The following SIMC1 variants were observed in gnomAD, a reference collection of about 807,000 sequenced individuals.
SIMC1 encodes SUMO-interacting motif-containing protein 1.
A neutral mutation model predicts 82.3 loss-of-function variants in SIMC1; 55 were observed. The ratio of observed to expected loss-of-function variants is 0.67; its 90% confidence interval spans 0.54 to 0.84. The LOEUF (loss-of-function observed/expected upper bound fraction) is 0.84. Ranked by LOEUF, SIMC1 falls within the 40% of genes least tolerant of loss-of-function variation. SIMC1 has a pLI of 0.00. For missense variants in SIMC1, 915 were observed against 1,107.2 expected (o/e 0.83, Z 2.46); for synonymous variants, 353 against 426.3 (o/e 0.83, Z 2.12).
intron 1 of SIMC1, chr5:176,270,469 A>G (rs1185890969): frequency 2.6e-5 from 4 of 152,254 alleles, no homozygotes; most frequent in Admixed American, 6.5e-5. Context: ...AAGAACACCA[A>G]CTTGAACAAC....
chr5:176,296,025 C>T (rs1007611375), intron 3 of SIMC1: 5 of 751,786 alleles, frequency 6.7e-6, no homozygotes, highest in Admixed American at 3.1e-5. Flanking sequence ...TTTCTTAAGA[C>T]AAAATTATAG....
chr5:176,262,552 C>A (rs1055191667), intron 1 of SIMC1, among the ~76,000 whole-genome samples: 2 of 152,222 alleles, frequency 1.3e-5, no homozygotes, highest in African/African-American at 4.8e-5. Context: ...CGCCTGTAAT[C>A]TGAGCACTTT....
chr5:176,284,281 C>T (rs1763160431), intron 1 of SIMC1, among the ~76,000 whole-genome samples: 1 of 152,204 alleles, frequency 6.6e-6, no homozygotes, highest in Admixed American at 6.5e-5. Context: ...GGAAGTAAAG[C>T]ACTCCTCAGC....
At chr5:176,267,733 GTTTTTTTT>G (rs1159766316) in intron 1 of SIMC1, among the ~76,000 whole-genome samples, 39 of 27,200 alleles carry the variant, frequency 1.4e-3, no homozygotes, top group Middle Eastern at 0.038. Context: ...TTTTCTTTCT[GTTTTTTTT>G]TTTTTTTTTT....
rs1381357471 is a variant in SIMC1 at position 176,277,699 on chromosome 5, C to A, written c.130-11955C>A. On this transcript the variant is annotated intron_variant, in intron 1 of 9. Transcript: ENST00000429602. ...CGGTTTTCCCAGCACCATTTATTAA[C>A]TAGGGAATCCTTTCCCCATTGCTTG... Among the ~76,000 whole-genome samples, 15 of 152,062 alleles carry A rather than the reference C, an allele frequency of 9.9e-5. 2 individuals carry two copies. The highest frequency in any genetic ancestry group is 9.7e-4 in the East Asian group (5 of 5,172).
At chr5:176,302,001 A>G (rs1273369344) in intron 4 of SIMC1, among the ~76,000 whole-genome samples, 2 of 152,196 alleles carry the variant, frequency 1.3e-5, no homozygotes, top group East Asian at 3.8e-4. Context: ...CATATAACCT[A>G]TGCACATCCT....
At chr5:176,303,608 C>A (rs528302137) in intron 4 of SIMC1, among the ~76,000 whole-genome samples, 1 of 152,326 alleles carries the variant, frequency 6.6e-6, no homozygotes, top group African/African-American at 2.4e-5. Context: ...GCGTGAGCCA[C>A]CATGCCCGGC....
intron 7 of SIMC1, among the ~76,000 whole-genome samples, chr5:176,334,402 G>C (rs1765796707): frequency 1.3e-5 from 2 of 152,268 alleles, no homozygotes; most frequent in South Asian, 4.1e-4. Context: ...ACATTCTTGA[G>C]GCTTAATCTT....
Position 176,301,339 on chromosome 5 carries a change from T to A in SIMC1, c.1734+5019T>A, listed in dbSNP as rs186104361. On this transcript the variant is annotated intron_variant, in intron 4 of 9. Transcript: ENST00000429602. ...GACATGTAAGATGTGACTTTGCTCC[T>A]CATTCGCCTTTTGCCATGATTGTGA... Among the ~76,000 whole-genome samples the A allele has an allele frequency of 3.7e-3, 563 of 152,340 alleles. 3 individuals are homozygous for A. The highest frequency in any genetic ancestry group is 0.013 in the African/African-American group (535 of 41,580).
intron 1 of SIMC1, among the ~76,000 whole-genome samples, chr5:176,289,450 C>T (rs766389382): frequency 5.5e-4 from 84 of 151,714 alleles, no homozygotes; most frequent in Non-Finnish European, 1.0e-3. Flanking sequence ...CCTAGTCATG[C>T]GTATGTGGCA....
chr5:176,337,066 A>G lies in SIMC1; in HGVS notation c.2333A>G (p.Asp778Gly). ...TCCATTTTACTATCTCTGCAGTCAG[A>G]TAAAAGCCAGTGGCAGACTTGGGAC... ...NSTSLLKCQSDKSQWQTWDEL... is the reference protein window; with the variant it reads ...NSTSLLKCQSGKSQWQTWDEL... Residue 778 changes from aspartate (D) to glycine (G), a missense_variant, in exon 9 of 10, where the codon GAT (aspartate) becomes GGT (glycine). Physicochemically the swap from Asp to Gly is moderately conservative, Grantham distance 94 (BLOSUM62 -1). Around this residue, in one of 2 missense-constraint regions of SIMC1, gnomAD observed 902 missense variants for 1,040.3 expected, o/e 0.87. Transcript: ENST00000429602. 2 of 1,613,986 alleles carry G rather than the reference A, an allele frequency of 1.2e-6. No homozygotes were observed. The highest frequency in any genetic ancestry group is 2.2e-5 in the South Asian group (2 of 91,058).
chr5:176,252,140 A>G (rs2113122240), intron 1 of SIMC1, among the ~76,000 whole-genome samples: 1 of 151,904 alleles, frequency 6.6e-6, no homozygotes, highest in South Asian at 2.1e-4. Context: ...GGGGCTCCTC[A>G]CTTCCCAGTA....
At chr5:176,271,097 G>A (rs556948065) in intron 1 of SIMC1, among the ~76,000 whole-genome samples, 26 of 152,210 alleles carry the variant, frequency 1.7e-4, no homozygotes, top group African/African-American at 6.3e-4. Flanking sequence ...CAGGCATGGT[G>A]GCCTGTAATC....
At chr5:176,261,194 A>G (rs1762002660) in intron 1 of SIMC1, 2 of 151,834 alleles carry the variant, frequency 1.3e-5, no homozygotes, top group African/African-American at 2.4e-5. Context: ...TTTAGTAGAG[A>G]TGGGGTTTCG....
chr5:176,293,914 C>A (rs1440604592), intron 2 of SIMC1, among the ~76,000 whole-genome samples: 1 of 152,068 alleles, frequency 6.6e-6, no homozygotes, highest in Non-Finnish European at 1.5e-5. Context: ...CTACCACCCA[C>A]ATAATAGAAA....
intron 1 of SIMC1, among the ~76,000 whole-genome samples, chr5:176,248,601 T>C (rs1256983934): frequency 6.6e-6 from 1 of 152,164 alleles, no homozygotes; most frequent in East Asian, 1.9e-4. Flanking sequence ...CCTTTATTTC[T>C]TTCTCTTGCC....
At chr5:176,296,894 T>C (rs1450444650) in intron 4 of SIMC1, among the ~76,000 whole-genome samples, 2 of 152,168 alleles carry the variant, frequency 1.3e-5, no homozygotes, top group Non-Finnish European at 2.9e-5. Flanking sequence ...AGGGGAAGGA[T>C]AGCAGATTTG....
chr5:176,313,199 C>T (rs1561716669), intron 4 of SIMC1: 1 of 1,001,442 alleles, frequency 1.0e-6, no homozygotes, highest in Non-Finnish European at 1.3e-6. Flanking sequence ...GTAGAGTGGA[C>T]ATCATGGCGG....
chr5:176,302,738 C>T (rs1764096852), intron 4 of SIMC1, among the ~76,000 whole-genome samples: 1 of 151,554 alleles, frequency 6.6e-6, no homozygotes, highest in African/African-American at 2.4e-5. Flanking sequence ...GCTCACAAAA[C>T]TCAGTTGCAT....
Sources: gnomAD v4.1 joint callset for allele counts (sites outside exome capture counted in the v4.1 genomes callset) on GRCh38, gnomAD v4.1.1 for gene constraint, gnomAD v4.1.1 regional missense constraint, MANE v1.5 for transcripts, NCBI Gene and HGNC (gene_info 2026-07-23, HGNC 2026-07-21) for gene names.